The following BMERB1 variants were observed in gnomAD, a reference collection of about 807,000 sequenced individuals.
The protein encoded by BMERB1 is bMERB domain containing 1, also known as bMERB domain-containing protein 1.
BMERB1 carries 12 observed loss-of-function variants against 23.6 expected under a neutral mutation model. That is an observed-to-expected ratio of 0.51 (90% CI 0.33 to 0.82). The LOEUF (loss-of-function observed/expected upper bound fraction) is 0.82. Among genes scored for constraint, BMERB1 ranks in the 40% least tolerant of loss-of-function variants. The pLI, the probability that BMERB1 is intolerant of heterozygous loss-of-function variation, is 0.03. For missense variants in BMERB1, 247 were observed against 255.4 expected, an observed-to-expected ratio of 0.97 and a Z score of 0.22; for synonymous variants, 122 against 96.6, an observed-to-expected ratio of 1.26 and a Z score of -1.54.
rs537216469 is a variant in BMERB1, at chr16:15,544,629, A to G, written c.231-23354A>G. 1.3e-3 allele frequency among the ~76,000 whole-genome samples: 200 copies of G among 152,356 alleles called. 1 individual carries two copies. Among genetic ancestry groups the G allele is most frequent in the Non-Finnish European group, 9.7e-4 (66 of 68,032 alleles). On this transcript the variant is annotated intron_variant, in intron 2 of 5. Transcript: ENST00000300006. The stretch of plus-strand genomic sequence containing the variant: ...GCCAAAGTGTTCTCCTGTTGAATGT[A>G]AACAATTTTGCAGATTGCCGGCATC...
intron 1 of BMERB1, among the ~76,000 whole-genome samples, chr16:15,440,358 G>T (rs2050929674): frequency 6.6e-6 from 1 of 151,044 alleles, no homozygotes; most frequent in Non-Finnish European, 1.5e-5. Flanking sequence ...CTTTCCATAA[G>T]CCCGGGGGAG....
chr16:15,496,197 G>A (rs896123329), intron 1 of BMERB1, among the ~76,000 whole-genome samples: 2 of 151,960 alleles, frequency 1.3e-5, no homozygotes, highest in African/African-American at 4.8e-5. Context: ...GGTGGTGATA[G>A]TGATAGTGGT....
chr16:15,502,196 C>A, intron 1 of BMERB1: 1 of 1,197,642 alleles, frequency 8.3e-7, no homozygotes, highest in Non-Finnish European at 1.2e-6. Flanking sequence ...TCCTTTGACA[C>A]GTCAGATGTG....
At chr16:15,446,706 A>T (rs2050992869) in intron 1 of BMERB1, among the ~76,000 whole-genome samples, 1 of 152,160 alleles carries the variant, frequency 6.6e-6, no homozygotes, top group African/African-American at 2.4e-5. Context: ...ATTGATATAG[A>T]TGCTTAATGT....
At chr16:15,573,902 A>G (rs556329497) in intron 3 of BMERB1, among the ~76,000 whole-genome samples, 2 of 147,514 alleles carry the variant, frequency 1.4e-5, no homozygotes, top group Non-Finnish European at 3.0e-5. Context: ...GGTGACAGGA[A>G]GGAGAATGAA....
At chr16:15,509,035 G>C (rs1878582946) in intron 1 of BMERB1, among the ~76,000 whole-genome samples, 1 of 151,808 alleles carries the variant, frequency 6.6e-6, no homozygotes. Context: ...CCAAATCCAA[G>C]CTAAGCACCT....
At chr16:15,444,132 T>TTTTTTTTTTG (rs2050968611) in intron 1 of BMERB1, among the ~76,000 whole-genome samples, 1 of 114,132 alleles carries the variant, frequency 8.8e-6, no homozygotes, top group East Asian at 2.5e-4. Flanking sequence ...TGTTTTTTTT[T>TTTTTTTTTTG]TTTTTTTTTT....
intron 1 of BMERB1, among the ~76,000 whole-genome samples, chr16:15,505,085 G>T (rs1305856049): frequency 6.6e-6 from 1 of 152,166 alleles, no homozygotes; most frequent in Non-Finnish European, 1.5e-5. Flanking sequence ...ACTGAAGTTT[G>T]AATGAGAACC....
chr16:15,505,525 T>G (rs1277704873), intron 1 of BMERB1, among the ~76,000 whole-genome samples: 1 of 152,188 alleles, frequency 6.6e-6, no homozygotes, highest in Non-Finnish European at 1.5e-5. Flanking sequence ...TATTTTCTAA[T>G]TATGCCAAGT....
At chr16:15,560,597 G>A (rs1033369981) in intron 2 of BMERB1, among the ~76,000 whole-genome samples, 1 of 151,980 alleles carries the variant, frequency 6.6e-6, no homozygotes, top group African/African-American at 2.4e-5. Context: ...TTTGAGACCA[G>A]CCTGGGCAAC....
chr16:15,503,460 TTTTTTGTA>T (rs1429098697), intron 1 of BMERB1, among the ~76,000 whole-genome samples: 7 of 151,334 alleles, frequency 4.6e-5, no homozygotes, highest in Non-Finnish European at 1.0e-4. Flanking sequence ...TTTTTTTTTT[TTTTTTGTA>T]TTTGTATTTG....
intron 1 of BMERB1, among the ~76,000 whole-genome samples, chr16:15,508,718 C>T (rs965896167): frequency 8.7e-5 from 13 of 149,660 alleles, no homozygotes; most frequent in Admixed American, 6.8e-4. Context: ...TTCAGCTACT[C>T]GGGAGGCTGA....
intron 1 of BMERB1, among the ~76,000 whole-genome samples, chr16:15,442,353 G>A (rs1439013551): frequency 6.6e-6 from 1 of 151,730 alleles, no homozygotes; most frequent in African/African-American, 2.4e-5. Flanking sequence ...AAAAGAATTA[G>A]GAGAGGGATA....
intron 1 of BMERB1, among the ~76,000 whole-genome samples, chr16:15,513,921 A>G (rs1363839058): frequency 1.3e-5 from 2 of 152,084 alleles, no homozygotes; most frequent in Non-Finnish European, 2.9e-5. Context: ...GTGTCTGTGT[A>G]TATTACACAT....
At chr16:15,553,415 A>G (rs1350549979) in intron 2 of BMERB1, among the ~76,000 whole-genome samples, 1 of 152,222 alleles carries the variant, frequency 6.6e-6, no homozygotes, top group Non-Finnish European at 1.5e-5. Flanking sequence ...TCAAGGCTGC[A>G]GTGAGCTATG....
intron 2 of BMERB1, among the ~76,000 whole-genome samples, chr16:15,520,270 T>A (rs1234474268): frequency 6.6e-6 from 1 of 152,122 alleles, no homozygotes; most frequent in Non-Finnish European, 1.5e-5. Flanking sequence ...ATCTTTATTC[T>A]CAATGCCAGG....
At chr16:15,450,059 A>G (rs1457734195) in intron 1 of BMERB1, among the ~76,000 whole-genome samples, 1 of 151,718 alleles carries the variant, frequency 6.6e-6, no homozygotes, top group Non-Finnish European at 1.5e-5. Flanking sequence ...GCCCTGATAC[A>G]CTTTTTCTGT....
intron 3 of BMERB1, among the ~76,000 whole-genome samples, chr16:15,570,551 C>T (rs542357091): frequency 6.6e-6 from 1 of 152,168 alleles, no homozygotes; most frequent in African/African-American, 2.4e-5. Context: ...TCTCCGCTAC[C>T]CCTCAATGGT....
intron 1 of BMERB1, among the ~76,000 whole-genome samples, chr16:15,489,053 C>T (rs1406226688): frequency 6.6e-6 from 1 of 152,100 alleles, no homozygotes; most frequent in Admixed American, 6.6e-5. Context: ...TTTCTTTTCC[C>T]CCAGGGGGGT....
Sources: allele counts gnomAD v4.1 joint callset (sites outside exome capture counted in the v4.1 genomes callset), GRCh38; gene constraint gnomAD v4.1.1; transcripts MANE v1.5; gene names NCBI Gene and HGNC (gene_info 2026-07-23, HGNC 2026-07-21).